CRACD: variants seen among roughly 807,000 people sequenced by gnomAD.
The protein encoded by CRACD is capping protein inhibiting regulator of actin dynamics, also known as capping protein-inhibiting regulator of actin dynamics.
In CRACD, 56 loss-of-function variants were observed where a neutral mutation model predicts 106.8. The ratio of observed to expected loss-of-function variants is 0.52; its 90% CI spans 0.42 to 0.66. CRACD has a LOEUF of 0.66. CRACD is among the 30% of genes least tolerant of loss of function. The pLI, the probability that CRACD is intolerant of heterozygous loss-of-function variation, is 0.00. For synonymous variants in CRACD, 754 were observed against 670.8 expected (o/e 1.12, Z -1.92); for missense variants, 1,730 against 1,623.2 (o/e 1.07, Z -1.13).
At chr4:56,149,462 C>G (rs1169011211) in intron 1 of CRACD, among the ~76,000 whole-genome samples, 1 of 152,288 alleles carries the variant, frequency 6.6e-6, no homozygotes, top group Middle Eastern at 3.4e-3. Context: ...TCTTTTGTGA[C>G]ATTTCCTTAT....
chr4:56,295,686 T>TAG (rs1383246871), intron 3 of CRACD, among the ~76,000 whole-genome samples: 7 of 130,204 alleles, frequency 5.4e-5, no homozygotes, highest in African/African-American at 2.2e-4. Flanking sequence ...TATATATATA[T>TAG]ATATATATAT....
At chr4:56,327,537 T>A (rs1046818121) in intron 10 of CRACD, 107 bp from the exon 11 acceptor site, 1 of 963,646 alleles carries the variant, frequency 1.0e-6, no homozygotes, top group Non-Finnish European at 1.6e-6. Context: ...ACATGACAAA[T>A]ACAGTTTGTC....
chr4:56,215,988 T>A (rs1738655213), intron 2 of CRACD: 1 of 152,252 alleles, frequency 6.6e-6, no homozygotes, highest in Non-Finnish European at 1.5e-5. Flanking sequence ...CTGATTTTGC[T>A]TTCCTTGTTC....
chr4:56,092,612 A>AT (rs1475881920), intron 1 of CRACD, among the ~76,000 whole-genome samples: 1 of 151,380 alleles, frequency 6.6e-6, no homozygotes, highest in Non-Finnish European at 1.5e-5. Flanking sequence ...TAATTTTTTA[A>AT]TTTTTTTTGA....
chr4:56,284,809 G>T (rs1235157123), intron 3 of CRACD, among the ~76,000 whole-genome samples: 1 of 152,118 alleles, frequency 6.6e-6, no homozygotes, highest in African/African-American at 2.4e-5. Flanking sequence ...CTCATTAAAG[G>T]CTTGATTACA....
At chr4:56,071,998 G>A (rs1410401191) in intron 1 of CRACD, among the ~76,000 whole-genome samples, 2 of 151,864 alleles carry the variant, frequency 1.3e-5, no homozygotes, top group East Asian at 3.9e-4. Flanking sequence ...CGTGGTGGCG[G>A]GCGCCTGTAG....
At chr4:56,173,513 C>A (rs2109425664) in intron 1 of CRACD, among the ~76,000 whole-genome samples, 1 of 152,280 alleles carries the variant, frequency 6.6e-6, no homozygotes, top group Middle Eastern at 3.4e-3. Flanking sequence ...TTAGATGACA[C>A]CTCGCTATAT....
rs572052527 is a variant in CRACD, at chr4:56,329,472, A to T, written c.*1668A>T. On this transcript the variant is annotated 3_prime_UTR_variant, in exon 11 of 11. Coordinates refer to ENST00000682029, the MANE Select transcript of CRACD (RefSeq NM_001393381.1). ...TAGAAACCATTTTCTTTCTAGAAAC[A>T]ATAGCTCAGCCTCACTGTAGCAGCT... 6.6e-6 allele frequency among the ~76,000 whole-genome samples: 1 copy of T among 152,248 alleles called. No individual in the cohort carries two copies. Among genetic ancestry groups the T allele is most frequent in the Admixed American group, 6.5e-5 (1 of 15,276 alleles).
At chr4:56,155,358 G>C (rs1735733064) in intron 1 of CRACD, among the ~76,000 whole-genome samples, 1 of 152,010 alleles carries the variant, frequency 6.6e-6, no homozygotes, top group Non-Finnish European at 1.5e-5. Flanking sequence ...CATTGTCAAT[G>C]GGTGGACGTA....
chr4:56,158,326 T>A (rs1050034291), intron 1 of CRACD, among the ~76,000 whole-genome samples: 1 of 152,230 alleles, frequency 6.6e-6, no homozygotes, highest in Non-Finnish European at 1.5e-5. Flanking sequence ...TTTGCTGAAA[T>A]AGCGCTTTTG....
intron 2 of CRACD, among the ~76,000 whole-genome samples, chr4:56,259,359 T>G (rs1741562798): frequency 6.6e-6 from 1 of 152,106 alleles, no homozygotes; most frequent in African/African-American, 2.4e-5. Context: ...GGTTGTCTCT[T>G]GAGGCCATCT....
At chr4:56,225,082 T>C (rs1328900126) in intron 2 of CRACD, among the ~76,000 whole-genome samples, 1 of 152,190 alleles carries the variant, frequency 6.6e-6, no homozygotes, top group Admixed American at 6.5e-5. Flanking sequence ...TCTCTCAACA[T>C]GGTTATTTAT....
chr4:56,324,165 C>A lies in CRACD; in HGVS notation c.3440C>A (p.Ser1147Tyr). The change falls in exon 10 of 11, where the codon TCC (serine) becomes TAC (tyrosine). Residue 1147 changes from serine (S) to tyrosine (Y), a missense_variant. Around this residue, in one of 5 missense-constraint regions of CRACD, gnomAD observed 89 missense variants for 89.6 expected, o/e 0.99. Coordinates refer to ENST00000682029, the MANE Select transcript of CRACD (RefSeq NM_001393381.1). Reference sequence around the variant, plus strand: ...AGCAGAGCAGGTTCCCTGCACAAGTCCACTGCTCTGCCAGAAGAGAAGAGG... The same window carrying A: ...AGCAGAGCAGGTTCCCTGCACAAGTACACTGCTCTGCCAGAAGAGAAGAGG... ...SVSRAGSLHK[S>Y]TALPEEKRPE... 1 of 1,614,188 alleles carries A rather than the reference C, an allele frequency of 6.2e-7. No homozygotes were observed.
chr4:56,306,504 C>T (rs1744711945), intron 4 of CRACD, among the ~76,000 whole-genome samples: 1 of 149,500 alleles, frequency 6.7e-6, no homozygotes, highest in African/African-American at 2.4e-5. Flanking sequence ...CAGAGCGAGA[C>T]CGTGTCTCAA....
intron 2 of CRACD, among the ~76,000 whole-genome samples, chr4:56,260,429 A>C (rs1414414645): frequency 1.3e-5 from 2 of 152,190 alleles, no homozygotes; most frequent in Non-Finnish European, 2.9e-5. Flanking sequence ...AAAAACTTGG[A>C]GATTAAGTAT....
chr4:56,263,410 C>T (rs908284261), intron 2 of CRACD, among the ~76,000 whole-genome samples: 3 of 152,142 alleles, frequency 2.0e-5, no homozygotes, highest in African/African-American at 7.2e-5. Flanking sequence ...TTAAACAATA[C>T]AAATTTATAT....
At position 56,314,841 on chromosome 4, in the gene CRACD, G is replaced by A. The variant is rs748347073; in HGVS notation, c.1339G>A (p.Glu447Lys). Residue 447 changes from glutamate (E) to lysine (K), a missense_variant, in exon 8 of 11, where the codon GAG (glutamate) becomes AAG (lysine). Physicochemically the swap from Glu to Lys is moderately conservative, Grantham distance 56. Coordinates refer to ENST00000682029, the MANE Select transcript of CRACD (RefSeq NM_001393381.1). The surrounding 1 kb of genome is among the most constrained non-coding windows in gnomAD (Gnocchi z 4.4). ...CGAAGGACAAAGAGAACACTCCGAGGAGCCAGGTATTTGCGAGGAGCAGAA... is the reference window on the plus strand; with the variant it reads ...CGAAGGACAAAGAGAACACTCCGAGAAGCCAGGTATTTGCGAGGAGCAGAA... ...KPEGQREHSE[E>K]PGICEEQNPE... The A allele has an allele frequency of 2.6e-5, 42 of 1,611,630 alleles. No homozygotes were observed. The South Asian group carries it at 3.7e-4, about 14-fold the overall frequency.
intron 1 of CRACD, among the ~76,000 whole-genome samples, chr4:56,065,145 TG>T (rs1732415888): frequency 6.6e-6 from 1 of 151,802 alleles, no homozygotes; most frequent in Non-Finnish European, 1.5e-5. Context: ...TGTAGTGCAA[TG>T]ACATGATCTC....
At chr4:56,282,168 T>A (rs1358340008) in intron 3 of CRACD, among the ~76,000 whole-genome samples, 1 of 152,206 alleles carries the variant, frequency 6.6e-6, no homozygotes, top group East Asian at 1.9e-4. Flanking sequence ...CAATTGCCCC[T>A]GTTGTCATGG....
Sources: allele counts gnomAD v4.1 joint callset (sites outside exome capture counted in the v4.1 genomes callset), GRCh38; gene constraint gnomAD v4.1.1; regional missense constraint gnomAD v4.1.1; non-coding constraint Gnocchi (gnomAD v3.1); transcripts MANE v1.5; gene names NCBI Gene and HGNC (gene_info 2026-07-23, HGNC 2026-07-21).